The following RAB40B variants were observed in gnomAD, a reference collection of about 807,000 sequenced individuals.
RAB40B encodes RAB40B, member RAS oncogene family, also known as ras-related protein Rab-40B.
A neutral mutation model predicts 24.0 loss-of-function variants in RAB40B; 21 were observed. The ratio of observed to expected loss-of-function variants is 0.88; its 90% confidence interval spans 0.62 to 1.26. The LOEUF (loss-of-function observed/expected upper bound fraction) is 1.26, where lower values mean the gene tolerates loss of function less well. Among genes scored for constraint, RAB40B ranks in the 50% most tolerant of loss-of-function variants. The probability of loss-of-function intolerance (pLI) is 0.00; values close to 1 mark genes in which losing one functional copy is unlikely to be tolerated. For synonymous variants in RAB40B, 167 were observed against 169.8 expected, an observed-to-expected ratio of 0.98 and a Z score of 0.13; for missense variants, 348 against 390.5, an observed-to-expected ratio of 0.89 and a Z score of 0.92.
rs2046098943 is a variant in RAB40B, at chr17:82,657,650, A to G, written c.*213T>C. On this transcript the variant is annotated 3_prime_UTR_variant, in exon 6 of 6. Transcript: ENST00000571995. ...AGCAGAGTACTAATTTTCCCTTTAC[A>G]AACACACATCGAAAACAAGAGCTTC... The G allele has an allele frequency of 2.9e-6, 2 of 700,718 alleles. No individual in the cohort carries two copies. The highest frequency in any genetic ancestry group is 5.2e-6 in the Non-Finnish European group (2 of 384,154). 43.4% of individuals were successfully genotyped at this position (700,718 alleles called of 1,614,324 possible).
rs776466618 is a variant in RAB40B, at chr17:82,687,366, T to A, written c.142+11089A>T. Among the ~76,000 whole-genome samples, 20 of 152,210 alleles carry A rather than the reference T, an allele frequency of 1.3e-4. 1 individual carries two copies. Among genetic ancestry groups the A allele is most frequent in the Non-Finnish European group, 2.4e-4 (16 of 68,044 alleles). On this transcript the variant is annotated intron_variant, in intron 1 of 5. Transcript: ENST00000571995. Reference sequence around the variant, plus strand: ...AAAGTTTAATATGTATATTTATGCCTCTGTAAACTTGTTTTTGCTTTTATT... The same window carrying A: ...AAAGTTTAATATGTATATTTATGCCACTGTAAACTTGTTTTTGCTTTTATT...
Position 82,659,025 on chromosome 17 carries a change from G to T in RAB40B, c.343-312C>A, listed in dbSNP as rs567749976. ...CACAAGCCAGGGAGGGCCCAGGGTT[G>T]CTGGCACCGCCGAGAGCTGGGAGAG... On this transcript the variant is annotated intron_variant, in intron 4 of 5. Transcript: ENST00000571995. 6 of 334,276 alleles carry T rather than the reference G, an allele frequency of 1.8e-5. No individual in the cohort carries two copies. The South Asian group carries it at 3.2e-4, about 18-fold the overall frequency. The allele number at this position is 334,276 out of a possible 1,614,324, so 20.7% of individuals were successfully genotyped here. A position where few individuals can be genotyped will look rare whatever the true frequency, so the allele number is the denominator to read the frequency against.
chr17:82,666,173 C>A (rs878878), intron 1 of RAB40B, among the ~76,000 whole-genome samples: 15 of 151,778 alleles, frequency 9.9e-5, no homozygotes, highest in Admixed American at 9.8e-4. Context: ...ACCTCCTGGA[C>A]TCAAGTGATC....
chr17:82,666,278 CTT>C (rs1244191571), intron 1 of RAB40B, among the ~76,000 whole-genome samples: 1 of 150,970 alleles, frequency 6.6e-6, no homozygotes, highest in Non-Finnish European at 1.5e-5. Flanking sequence ...GAATTTCGCT[CTT>C]GTTGCCCAGG....
chr17:82,662,505 C>T (rs1466467545), intron 2 of RAB40B: 1 of 985,274 alleles, frequency 1.0e-6, no homozygotes, highest in African/African-American at 1.7e-5. Flanking sequence ...CCAACCCCAG[C>T]CCCAGTGGGT....
At chr17:82,690,652 G>A (rs1156539251) in intron 1 of RAB40B, among the ~76,000 whole-genome samples, 3 of 147,000 alleles carry the variant, frequency 2.0e-5, no homozygotes, top group East Asian at 2.0e-4. Flanking sequence ...ATGTGTTCCC[G>A]GGGAGCAGAG....
chr17:82,672,352 G>A (rs1350013382), intron 1 of RAB40B, among the ~76,000 whole-genome samples: 5 of 145,776 alleles, frequency 3.4e-5, no homozygotes, highest in Admixed American at 6.8e-5. Context: ...ACACTCACAC[G>A]CTCCCTGTAC....
rs755414634 is a variant in RAB40B at position 82,675,304 on chromosome 17, G to A, written c.143-10748C>T. On this transcript the variant is annotated intron_variant, in intron 1 of 5. Coordinates refer to ENST00000571995, the MANE Select transcript of RAB40B (RefSeq NM_006822.3). This position sits in a 1 kb window ranked among gnomAD's most constrained non-coding sequence, Gnocchi z 4.5. Reference sequence around the variant, plus strand: ...CTGGCAGTTCCCATTAGCACAGCCCGGATGCATAACCCACACCCACAACCT... The same window carrying A: ...CTGGCAGTTCCCATTAGCACAGCCCAGATGCATAACCCACACCCACAACCT... Among the ~76,000 whole-genome samples, 8 of 152,250 alleles carry A rather than the reference G, an allele frequency of 5.3e-5. No homozygotes were observed. The highest frequency in any genetic ancestry group is 8.8e-5 in the Non-Finnish European group (6 of 68,010).
At chr17:82,693,444 G>A (rs958912814) in intron 1 of RAB40B, among the ~76,000 whole-genome samples, 1 of 152,232 alleles carries the variant, frequency 6.6e-6, no homozygotes, top group Non-Finnish European at 1.5e-5. Flanking sequence ...TGATGCAGCC[G>A]GGGCCTCCAG....
intron 2 of RAB40B, chr17:82,661,976 G>A: frequency 1.0e-6 from 1 of 985,388 alleles, no homozygotes; most frequent in Non-Finnish European, 1.2e-6. Flanking sequence ...GCGGCCCTGG[G>A]ACAGCCAGCG....
In RAB40B at chr17:82,698,552, G is replaced by A. The variant is rs756442024; in HGVS notation, c.45C>T (p.Leu15=). 12 of 1,523,026 alleles carry A rather than the reference G, an allele frequency of 7.9e-6. No homozygotes were observed. The highest frequency in any genetic ancestry group is 1.1e-5 in the Non-Finnish European group (12 of 1,129,914). 94.3% of individuals were successfully genotyped at this position (1,523,026 alleles called of 1,614,324 possible). A position where few individuals can be genotyped will look rare whatever the true frequency, so the allele number is the denominator to read the frequency against. Residue 15 remains leucine, a synonymous_variant, in exon 1 of 6, where the codon CTC becomes CTT. Transcript: ENST00000571995. ...GSPVRAYDFL[L]KFLLVGDSDV... ...CGCTGTCGCCCACCAGCAGGAACTT[G>A]AGCAGAAAGTCGTAGGCCCGGACCG...
intron 2 of RAB40B, chr17:82,662,591 G>T: frequency 1.0e-6 from 1 of 985,292 alleles, no homozygotes; most frequent in Non-Finnish European, 1.2e-6. Flanking sequence ...CACACTCTGG[G>T]GTCCACACTC....
At chr17:82,683,805 C>CAAAAA (rs35145848) in intron 1 of RAB40B, among the ~76,000 whole-genome samples, 29 of 90,718 alleles carry the variant, frequency 3.2e-4, no homozygotes, top group Admixed American at 4.1e-4. Flanking sequence ...ACCCTGTTTC[C>CAAAAA]AAAAAAAAAA....
chr17:82,664,235 G>A (rs1345844622), intron 2 of RAB40B, among the ~76,000 whole-genome samples: 1 of 135,424 alleles, frequency 7.4e-6, no homozygotes, highest in East Asian at 2.3e-4. Context: ...GTGGTGGGGG[G>A]AGCTTGCTCC....
At chr17:82,662,307 C>T (rs986130977) in intron 2 of RAB40B, 3 of 985,368 alleles carry the variant, frequency 3.0e-6, no homozygotes, top group East Asian at 1.1e-4. Context: ...TTGCACACAG[C>T]GGGAGCTGCC....
chr17:82,661,158 C>G, intron 2 of RAB40B, 111 bp from the exon 3 acceptor site: 1 of 1,508,056 alleles, frequency 6.6e-7, no homozygotes, highest in Admixed American at 2.2e-5. Flanking sequence ...AGTCAGCAGC[C>G]ACCACGCCGC....
In RAB40B at chr17:82,663,282, C is replaced by T. The variant is rs2046199693; in HGVS notation, c.203+1214G>A. On this transcript the variant is annotated intron_variant, in intron 2 of 5. Coordinates refer to ENST00000571995, the MANE Select transcript of RAB40B (RefSeq NM_006822.3). This position sits in a 1 kb window ranked among gnomAD's most constrained non-coding sequence, Gnocchi z 6.2. ...GACAGGTAAGAGAAGGGGGTCCCAGCTGCTGGAGGCACACGTGGCTCGGGG... is the reference window on the plus strand; with the variant it reads ...GACAGGTAAGAGAAGGGGGTCCCAGTTGCTGGAGGCACACGTGGCTCGGGG... 5.3e-5 allele frequency among the ~76,000 whole-genome samples: 8 copies of T among 152,016 alleles called. No homozygotes were observed. The highest frequency in any genetic ancestry group is 4.6e-4 in the Admixed American group (7 of 15,274).
rs2046199253 is a variant in RAB40B, at chr17:82,663,270, A to G, written c.203+1226T>C. ...GCGTAGGAAGGGGACAGGTAAGAGA[A>G]GGGGGTCCCAGCTGCTGGAGGCACA... is the stretch of plus-strand genomic sequence containing the variant. On this transcript the variant is annotated intron_variant, in intron 2 of 5. Transcript: ENST00000571995. The surrounding 1 kb of genome is among the most constrained non-coding windows in gnomAD (Gnocchi z 6.2). Among the ~76,000 whole-genome samples the G allele has an allele frequency of 6.6e-6, 1 of 151,870 alleles. No homozygotes were observed. Among genetic ancestry groups the G allele is most frequent in the African/African-American group, 2.4e-5 (1 of 41,332 alleles).
chr17:82,661,165 C>A, intron 2 of RAB40B, 118 bp from the exon 3 acceptor site: 1 of 1,494,960 alleles, frequency 6.7e-7, no homozygotes, highest in Non-Finnish European at 8.9e-7. Context: ...AGCCACCACG[C>A]CGCCAGCGTG....
Sources: gnomAD v4.1 joint callset for allele counts (sites outside exome capture counted in the v4.1 genomes callset) on GRCh38, gnomAD v4.1.1 for gene constraint, Gnocchi (gnomAD v3.1) non-coding constraint, MANE v1.5 for transcripts, NCBI Gene and HGNC (gene_info 2026-07-23, HGNC 2026-07-21) for gene names.